ZMYND8: variants seen among roughly 807,000 people sequenced by gnomAD.
ZMYND8 encodes the protein zinc finger MYND-type containing 8, also known as MYND-type zinc finger-containing chromatin reader ZMYND8.
In ZMYND8, 37 loss-of-function variants were observed where a neutral mutation model predicts 140.8. The observed-to-expected ratio is 0.26, with a 90% CI of 0.20 to 0.35. The LOEUF is 0.35. ZMYND8 is among the 10% of genes least tolerant of loss of function. ZMYND8 has a pLI of 1.00. For missense variants in ZMYND8, 1,068 were observed against 1,570.0 expected (o/e 0.68, Z 5.40); for synonymous variants, 592 against 597.1 (o/e 0.99, Z 0.12).
At chr20:47,245,958 T>C (rs376259701) in intron 14 of ZMYND8, 50 bp downstream of exon 14, 22 of 1,534,830 alleles carry the variant, frequency 1.4e-5, no homozygotes, top group Non-Finnish European at 1.8e-5. Flanking sequence ...GTGTACGAGG[T>C]AGGATTCTAA....
intron 21 of ZMYND8, among the ~76,000 whole-genome samples, chr20:47,213,664 C>T (rs1190541164): frequency 6.6e-6 from 1 of 152,046 alleles, no homozygotes; most frequent in East Asian, 1.9e-4. Context: ...AAAGAGGGGT[C>T]AAGAGATACT....
intron 21 of ZMYND8, among the ~76,000 whole-genome samples, chr20:47,214,415 T>C (rs983241859): frequency 1.1e-4 from 17 of 152,192 alleles, no homozygotes; most frequent in African/African-American, 4.1e-4. Flanking sequence ...TTTCTGCCAC[T>C]TTCTGACCAT....
intron 16 of ZMYND8, among the ~76,000 whole-genome samples, chr20:47,233,326 C>T (rs1043242263): frequency 2.0e-5 from 3 of 151,444 alleles, no homozygotes; most frequent in African/African-American, 7.3e-5. Context: ...CCTCCCATCT[C>T]AGCCTCCCGA....
At chr20:47,255,641 T>TAC in intron 12 of ZMYND8, among the ~76,000 whole-genome samples, 1 of 128,456 alleles carries the variant, frequency 7.8e-6, no homozygotes, top group East Asian at 2.1e-4. Flanking sequence ...AGTATATATA[T>TAC]ACCATATACA....
intron 12 of ZMYND8, among the ~76,000 whole-genome samples, chr20:47,252,445 G>A (rs1213806461): frequency 6.6e-6 from 1 of 151,952 alleles, no homozygotes; most frequent in East Asian, 1.9e-4. Context: ...GAAGAAGCAT[G>A]CTAGATTCCA....
intron 12 of ZMYND8, among the ~76,000 whole-genome samples, chr20:47,259,385 T>C (rs2074991793): frequency 6.6e-6 from 1 of 152,158 alleles, no homozygotes; most frequent in African/African-American, 2.4e-5. Context: ...TACTCACAGG[T>C]GAGCCAGGAT....
At chr20:47,259,837 T>G (rs1426934544) in intron 12 of ZMYND8, among the ~76,000 whole-genome samples, 3 of 152,088 alleles carry the variant, frequency 2.0e-5, no homozygotes, top group African/African-American at 7.2e-5. Context: ...ATGCCAGCAG[T>G]GTCCCCATCA....
At chr20:47,340,293 GGTAA>G (rs140119488) in intron 2 of ZMYND8, among the ~76,000 whole-genome samples, 9,649 of 152,044 alleles carry the variant, frequency 0.063, 1,011 homozygotes, top group African/African-American at 0.22. Context: ...AAATCATTGG[GGTAA>G]GTAAGAATGG....
intron 2 of ZMYND8, among the ~76,000 whole-genome samples, chr20:47,327,722 C>T (rs796511754): frequency 3.7e-4 from 56 of 152,328 alleles, no homozygotes; most frequent in African/African-American, 1.3e-3. Context: ...ACAATCCTCC[C>T]GCCTGCCCAC....
At chr20:47,282,013 T>A (rs1039520160) in intron 10 of ZMYND8, 89 bp downstream of exon 10, 2 of 1,054,876 alleles carry the variant, frequency 1.9e-6, no homozygotes, top group Non-Finnish European at 2.8e-6. Context: ...ATGAGAATAA[T>A]AGCTGCAGCC....
chr20:47,285,594 C>T (rs1438039567), intron 8 of ZMYND8: 1 of 803,726 alleles, frequency 1.2e-6, no homozygotes, highest in Non-Finnish European at 1.5e-6. Context: ...AGGACATAGC[C>T]TCATTGTAAC....
At position 47,350,485 on chromosome 20, in the gene ZMYND8, G is replaced by A. The variant is rs574639352; in HGVS notation, c.15-2559C>T. On this transcript the variant is annotated intron_variant, in intron 1 of 22. Transcript: ENST00000471951. ...TGTGTGTGTGTTTTTTTTTGATTTA[G>A]TGTTAAGAACTAGTATGTTATTAGG... is the stretch of plus-strand genomic sequence containing the variant. 1.3e-3 allele frequency among the ~76,000 whole-genome samples: 202 copies of A among 150,782 alleles called. 1 individual carries two copies. Among genetic ancestry groups the A allele is most frequent in the African/African-American group, 4.8e-3 (198 of 41,086 alleles).
At chr20:47,257,494 T>A (rs2074831702) in intron 12 of ZMYND8, among the ~76,000 whole-genome samples, 1 of 151,706 alleles carries the variant, frequency 6.6e-6, no homozygotes, top group Non-Finnish European at 1.5e-5. Context: ...CACACATACA[T>A]ACTTATATAC....
At chr20:47,306,835 G>A (rs2078524820) in intron 3 of ZMYND8, among the ~76,000 whole-genome samples, 1 of 152,092 alleles carries the variant, frequency 6.6e-6, no homozygotes, top group Non-Finnish European at 1.5e-5. Context: ...CTTCACATAT[G>A]CCAAAGTCAA....
chr20:47,290,664 T>G (rs1459230175), intron 6 of ZMYND8, among the ~76,000 whole-genome samples: 3 of 143,792 alleles, frequency 2.1e-5, no homozygotes, highest in African/African-American at 7.8e-5. Context: ...TGATCTCGGC[T>G]CACTGCAACC....
At chr20:47,235,886 T>A (rs1019289615) in intron 16 of ZMYND8, among the ~76,000 whole-genome samples, 1 of 152,092 alleles carries the variant, frequency 6.6e-6, no homozygotes, top group Admixed American at 6.5e-5. Flanking sequence ...TCCCCATCCA[T>A]CTTGATTCCT....
chr20:47,331,881 G>A (rs879690018), intron 2 of ZMYND8, among the ~76,000 whole-genome samples: 1 of 152,196 alleles, frequency 6.6e-6, no homozygotes, highest in Non-Finnish European at 1.5e-5. Flanking sequence ...GGAGCTTGCA[G>A]GACAAAGACA....
At chr20:47,258,523 C>T (rs879577629) in intron 12 of ZMYND8, among the ~76,000 whole-genome samples, 8 of 152,196 alleles carry the variant, frequency 5.3e-5, no homozygotes, top group South Asian at 2.1e-4. Context: ...GTCCATCTCC[C>T]GAAGAGTTCC....
intron 21 of ZMYND8, among the ~76,000 whole-genome samples, chr20:47,215,421 G>A (rs1294497153): frequency 2.0e-5 from 3 of 152,076 alleles, no homozygotes; most frequent in Non-Finnish European, 2.9e-5. Flanking sequence ...TAATGGCTTA[G>A]GGGGATGGTG....
Sources: allele counts gnomAD v4.1 joint callset (sites outside exome capture counted in the v4.1 genomes callset), GRCh38; gene constraint gnomAD v4.1.1; transcripts MANE v1.5; gene names NCBI Gene and HGNC (gene_info 2026-07-23, HGNC 2026-07-21).